KCNAB1: variants seen among roughly 807,000 people sequenced by gnomAD.
The protein encoded by KCNAB1 is voltage-gated potassium channel subunit beta-1.
KCNAB1 carries 35 observed loss-of-function variants against 64.6 expected under a neutral mutation model. That is an observed-to-expected ratio of 0.54 (90% CI 0.41 to 0.72). The LOEUF (loss-of-function observed/expected upper bound fraction) is 0.72, where lower values mean the gene tolerates loss of function less well. Ranked by LOEUF, KCNAB1 falls within the 30% of genes least tolerant of loss-of-function variation. The pLI is 0.00. For missense variants in KCNAB1, 401 were observed against 512.9 expected (o/e 0.78, Z 2.11); for synonymous variants, 177 against 183.8 (o/e 0.96, Z 0.30).
chr3:156,531,333 G>A (rs903911979), intron 12 of KCNAB1, 76 bp from the exon 13 acceptor site: 7 of 1,085,092 alleles, frequency 6.5e-6, no homozygotes, highest in Non-Finnish European at 1.0e-5. Context: ...GCAACAAACA[G>A]CTGTAGCAGG....
intron 1 of KCNAB1, chr3:156,143,569 G>GTTGTTGTTTTTTTTTTT (rs1443482013): frequency 3.6e-6 from 1 of 281,598 alleles, no homozygotes; most frequent in African/African-American, 2.9e-5. Context: ...TTGCATTCTT[G>GTTGTTGTTTTTTTTTTT]TTTTTTTTTT....
At chr3:156,166,739 T>C (rs1711595970) in intron 1 of KCNAB1, among the ~76,000 whole-genome samples, 1 of 152,208 alleles carries the variant, frequency 6.6e-6, no homozygotes, top group Non-Finnish European at 1.5e-5. Flanking sequence ...CAGCTAAATG[T>C]CTAATGGAAT....
intron 1 of KCNAB1, among the ~76,000 whole-genome samples, chr3:156,310,855 T>C (rs892746617): frequency 6.6e-6 from 1 of 151,930 alleles, no homozygotes; most frequent in Admixed American, 6.6e-5. Flanking sequence ...TCATAAAGGG[T>C]CCCACCTCCT....
At chr3:156,404,516 A>G (rs1270572628) in intron 1 of KCNAB1, among the ~76,000 whole-genome samples, 1 of 152,236 alleles carries the variant, frequency 6.6e-6, no homozygotes, top group Non-Finnish European at 1.5e-5. Context: ...CATGGTAGTA[A>G]CTAATGTAGG....
At position 156,414,255 on chromosome 3, in the gene KCNAB1, A is replaced by G. The variant is rs538769743; in HGVS notation, c.276-7361A>G. On this transcript the variant is annotated intron_variant, in intron 1 of 13. Coordinates refer to ENST00000490337, the MANE Select transcript of KCNAB1 (RefSeq NM_172160.3). ...AAACTAATTACAGCTCTCATCACAA[A>G]GAGAATGCCAGAGAAGGCTTTCCCT... 9.2e-5 allele frequency among the ~76,000 whole-genome samples: 14 copies of G among 152,360 alleles called. No homozygotes were observed. In the South Asian group the frequency reaches 2.9e-3, roughly 32 times the overall value.
intron 1 of KCNAB1, chr3:156,143,546 C>T (rs1714837562): frequency 3.6e-6 from 2 of 553,270 alleles, no homozygotes; most frequent in Non-Finnish European, 5.8e-6. Context: ...ATGCAGTGAG[C>T]CCTCTTCTTG....
At chr3:156,328,434 T>C (rs1179227428) in intron 1 of KCNAB1, among the ~76,000 whole-genome samples, 1 of 152,194 alleles carries the variant, frequency 6.6e-6, no homozygotes, top group African/African-American at 2.4e-5. Context: ...CCAAATCCAC[T>C]AGATTTCCCA....
intron 1 of KCNAB1, among the ~76,000 whole-genome samples, chr3:156,126,753 A>G (rs1329757593): frequency 6.6e-6 from 1 of 152,218 alleles, no homozygotes; most frequent in African/African-American, 2.4e-5. Context: ...ATTATCAGCT[A>G]TGTGATTTAG....
At chr3:156,234,512 G>A (rs193100432) in intron 1 of KCNAB1, among the ~76,000 whole-genome samples, 1 of 152,092 alleles carries the variant, frequency 6.6e-6, no homozygotes, top group Non-Finnish European at 1.5e-5. Context: ...ATGAGAAGAA[G>A]CTTCCTATGC....
intron 1 of KCNAB1, among the ~76,000 whole-genome samples, chr3:156,238,272 A>T (rs1000250583): frequency 3.3e-5 from 5 of 152,016 alleles, no homozygotes; most frequent in Admixed American, 6.6e-5. Flanking sequence ...AATACAAAAA[A>T]TTAGCTGGCC....
Position 156,264,137 on chromosome 3 carries a change from C to A in KCNAB1, c.275+143251C>A, listed in dbSNP as rs550405743. Among the ~76,000 whole-genome samples, 8 of 152,196 alleles carry A rather than the reference C, an allele frequency of 5.3e-5. No individual in the cohort carries two copies. The South Asian group carries it at 1.2e-3, about 24-fold the overall frequency. ...TTGTCATATTTTACTAATGTACTGG[C>A]AGTTCTATTTTTATAAAATGTCCTT... On this transcript the variant is annotated intron_variant, in intron 1 of 13. Coordinates refer to ENST00000490337, the MANE Select transcript of KCNAB1 (RefSeq NM_172160.3).
Position 156,421,643 on chromosome 3 carries a change from T to G in KCNAB1, c.303T>G (p.Val101=). 1 of 1,614,056 alleles carries G rather than the reference T, an allele frequency of 6.2e-7. No individual in the cohort carries two copies. The highest frequency in any genetic ancestry group is 8.5e-7 in the Non-Finnish European group (1 of 1,179,958). ...ATCTTGGAAAATCAGGACTCAGAGT[T>G]TCTTGCTTGGGTCTTGGTAAGTACT... ...HRNLGKSGLR[V]SCLGLGTWVT... is the part of the protein sequence containing the mutation. The change falls in exon 2 of 14, where the codon GTT becomes GTG. Residue 101 remains valine (V), a synonymous_variant. Transcript: ENST00000490337.
At chr3:156,232,750 A>C (rs1252574247) in intron 1 of KCNAB1, among the ~76,000 whole-genome samples, 1 of 152,264 alleles carries the variant, frequency 6.6e-6, no homozygotes, top group African/African-American at 2.4e-5. Context: ...ATGTATTATT[A>C]AGGTTTTATA....
At chr3:156,529,680 A>G (rs988589889) in intron 12 of KCNAB1, among the ~76,000 whole-genome samples, 3 of 152,240 alleles carry the variant, frequency 2.0e-5, no homozygotes, top group African/African-American at 7.2e-5. Flanking sequence ...CCACTTGATT[A>G]GAGGAATATT....
At chr3:156,129,018 A>G (rs773344569) in intron 1 of KCNAB1, among the ~76,000 whole-genome samples, 2 of 139,014 alleles carry the variant, frequency 1.4e-5, no homozygotes, top group Admixed American at 7.9e-5. Context: ...AAGCATTTAT[A>G]AAGCATCATG....
chr3:156,399,434 T>A (rs17238413), intron 1 of KCNAB1, among the ~76,000 whole-genome samples: 4,071 of 152,300 alleles, frequency 0.027, 79 homozygotes, highest in Middle Eastern at 0.041. Context: ...TCTCACCGAA[T>A]ATGTGCTAGG....
At chr3:156,329,250 C>T (rs1009357913) in intron 1 of KCNAB1, among the ~76,000 whole-genome samples, 3 of 152,132 alleles carry the variant, frequency 2.0e-5, no homozygotes, top group Admixed American at 6.6e-5. Flanking sequence ...TCCCCATCTT[C>T]CCCTTCCTTC....
chr3:156,479,221 A>G (rs1714608700), intron 8 of KCNAB1, among the ~76,000 whole-genome samples: 1 of 152,152 alleles, frequency 6.6e-6, no homozygotes, highest in Non-Finnish European at 1.5e-5. Context: ...TCCTCCCAGT[A>G]GAGTCACTGA....
intron 8 of KCNAB1, among the ~76,000 whole-genome samples, chr3:156,496,368 T>G (rs967628669): frequency 6.6e-6 from 1 of 152,150 alleles, no homozygotes; most frequent in Non-Finnish European, 1.5e-5. Context: ...GTTCTCATGA[T>G]GGTGAATAAG....
Sources: gnomAD v4.1 joint callset for allele counts (sites outside exome capture counted in the v4.1 genomes callset) on GRCh38, gnomAD v4.1.1 for gene constraint, MANE v1.5 for transcripts, NCBI Gene and HGNC (gene_info 2026-07-23, HGNC 2026-07-21) for gene names.